The following ST6GALNAC2 variants were observed in gnomAD, a reference collection of about 807,000 sequenced individuals.
The protein encoded by ST6GALNAC2 is ST6 N-acetylgalactosaminide alpha-2,6-sialyltransferase 2, also known as alpha-N-acetylgalactosaminide alpha-2,6-sialyltransferase 2.
ST6GALNAC2 carries 42 observed loss-of-function variants against 38.7 expected under a neutral mutation model. The observed-to-expected ratio is 1.09, with a 90% CI of 0.85 to 1.40. The LOEUF (loss-of-function observed/expected upper bound fraction) is 1.40. ST6GALNAC2 is among the 40% of genes most tolerant of loss of function. ST6GALNAC2 has a pLI of 0.00. For synonymous variants in ST6GALNAC2, 233 were observed against 209.0 expected (o/e 1.11, Z -0.99); for missense variants, 506 against 481.7 (o/e 1.05, Z -0.47).
At position 76,566,211 on chromosome 17, in the gene ST6GALNAC2, G is replaced by C; in HGVS notation, c.1018C>G (p.Arg340Gly). Residue 340 changes from arginine to glycine, a missense_variant, in exon 9 of 9, where the codon CGA (arginine) becomes GGA (glycine). Coordinates refer to ENST00000225276, the MANE Select transcript of ST6GALNAC2 (RefSeq NM_006456.3). The stretch of plus-strand genomic sequence containing the variant: ...TAAAATATCAATGGCTTCATTTTTC[G>C]TTCGAAATAGTGGTCGGAAAATTTC... ...YWKFSDHYFE[R>G]KMKPLIFYAN... The C allele has an allele frequency of 6.2e-7, 1 of 1,614,116 alleles. No homozygotes were observed. The highest frequency in any genetic ancestry group is 1.1e-5 in the South Asian group (1 of 91,084).
chr17:76,578,270 C>T (rs2075439787), intron 2 of ST6GALNAC2, among the ~76,000 whole-genome samples: 2 of 152,096 alleles, frequency 1.3e-5, no homozygotes, highest in Admixed American at 6.6e-5. Flanking sequence ...AGGGTTGCTG[C>T]GAGGCTTCCG....
chr17:76,566,815 CAG>C (rs1276109429), intron 8 of ST6GALNAC2, among the ~76,000 whole-genome samples: 1 of 151,908 alleles, frequency 6.6e-6, no homozygotes, highest in Non-Finnish European at 1.5e-5. Flanking sequence ...GCCTGGGTGA[CAG>C]AGTTGAGACC....
chr17:76,585,477 G>T (rs1487985006), intron 1 of ST6GALNAC2, among the ~76,000 whole-genome samples: 1 of 152,212 alleles, frequency 6.6e-6, no homozygotes, highest in East Asian at 1.9e-4. Flanking sequence ...GGCAAAGGCC[G>T]CGGGGTCCGG....
At chr17:76,570,723 C>T in intron 5 of ST6GALNAC2, 55 bp from the exon 6 acceptor site, 3 of 1,373,246 alleles carry the variant, frequency 2.2e-6, no homozygotes, top group East Asian at 4.7e-5. Context: ...TTTAGCTCCT[C>T]AGTGTGGACA....
In ST6GALNAC2 at chr17:76,566,175, C is replaced by T. The variant is rs375190261; in HGVS notation, c.1054G>A (p.Asp352Asn). ...MKPLIFYANHDLSLEAALWRD... is the reference protein window; with the variant it reads ...MKPLIFYANHNLSLEAALWRD... ...CACAGGGCAGCTTCCAGGGACAGAT[C>T]GTGGTTTGCATAAAATATCAATGGC... The change falls in exon 9 of 9, where the codon GAT becomes AAT. Residue 352 changes from aspartate to asparagine, a missense_variant. Transcript: ENST00000225276. 49 of 1,613,956 alleles carry T rather than the reference C, an allele frequency of 3.0e-5. No homozygotes were observed. Among genetic ancestry groups the T allele is most frequent in the Middle Eastern group, 1.6e-4 (1 of 6,082 alleles).
intron 2 of ST6GALNAC2, among the ~76,000 whole-genome samples, 160 bp from the exon 3 acceptor site, chr17:76,574,699 C>G (rs1475820861): frequency 6.6e-6 from 1 of 150,962 alleles, no homozygotes; most frequent in Non-Finnish European, 1.5e-5. Context: ...TTTTTTGAGA[C>G]AGAGTCTCGC....
In ST6GALNAC2 at chr17:76,578,683, G is replaced by A. The variant is rs773271569; in HGVS notation, c.186+73C>T. 2.0e-5 allele frequency: 28 copies of A among 1,409,872 alleles called. No homozygotes were observed. The East Asian group carries it at 3.0e-4, about 15-fold the overall frequency. The allele number at this position is 1,409,872 out of a possible 1,614,324, so 87.3% of individuals were successfully genotyped here. A position where few individuals can be genotyped will look rare whatever the true frequency, so the allele number is the denominator to read the frequency against. ...CCAGCAATCTCATGAGAGTGTTCTC[G>A]TTTGCTCTTCTTCCCTCCTCCCCAC... On this transcript the variant is annotated intron_variant, in intron 2 of 8. Transcript: ENST00000225276.
chr17:76,571,886 G>A (rs1249024729), intron 5 of ST6GALNAC2, among the ~76,000 whole-genome samples: 1 of 152,206 alleles, frequency 6.6e-6, no homozygotes, highest in Non-Finnish European at 1.5e-5. Flanking sequence ...GGTAGGGCCA[G>A]ATGCTAGCTC....
At position 76,585,701 on chromosome 17, in the gene ST6GALNAC2, C is replaced by A. The variant is rs372160548; in HGVS notation, c.108G>T (p.Gly36=). The A allele has an allele frequency of 6.5e-7, 1 of 1,528,776 alleles. No individual in the cohort carries two copies. Among genetic ancestry groups the A allele is most frequent in the Non-Finnish European group, 8.8e-7 (1 of 1,141,684 alleles). 94.7% of individuals were successfully genotyped at this position (1,528,776 alleles called of 1,614,324 possible). A position where few individuals can be genotyped will look rare whatever the true frequency, so the allele number is the denominator to read the frequency against. The change falls in exon 1 of 9, where the codon GGG becomes GGT. Residue 36 remains glycine, a synonymous_variant. Transcript: ENST00000225276. ...LYFSAVQRYP[G]PAAGARDTTS... ...GCCCCTACCTGGCTCCGGCCGCTGG[C>A]CCCGGGTACCGCTGCACCGCCGAGA...
At chr17:76,571,576 A>G (rs1456389375) in intron 5 of ST6GALNAC2, among the ~76,000 whole-genome samples, 1 of 152,246 alleles carries the variant, frequency 6.6e-6, no homozygotes, top group African/African-American at 2.4e-5. Context: ...CCTGGGTGAC[A>G]GAGTGAGACT....
intron 5 of ST6GALNAC2, 196 bp from the exon 6 acceptor site, chr17:76,570,864 C>T (rs1378171451): frequency 1.8e-6 from 1 of 564,560 alleles, no homozygotes; most frequent in Admixed American, 2.9e-5. Context: ...CAGGAGGTGG[C>T]ACCCAATTGC....
intron 7 of ST6GALNAC2, 99 bp downstream of exon 7, chr17:76,568,614 C>A: frequency 8.8e-7 from 1 of 1,129,978 alleles, no homozygotes; most frequent in East Asian, 2.4e-5. Context: ...GGTTATCGGT[C>A]AGTGCGTGGG....
At chr17:76,566,661 G>A (rs898066422) in intron 8 of ST6GALNAC2, among the ~76,000 whole-genome samples, 1 of 150,400 alleles carries the variant, frequency 6.6e-6, no homozygotes, top group Non-Finnish European at 1.5e-5. Flanking sequence ...TTTGAGACCA[G>A]CCTGGGCAAC....
chr17:76,569,477 G>A, intron 6 of ST6GALNAC2: 1 of 362,940 alleles, frequency 2.8e-6, no homozygotes, highest in Non-Finnish European at 4.8e-6. Context: ...CGGGAAGAGG[G>A]CTGTGAGGCA....
chr17:76,584,356 C>A (rs563514342), intron 1 of ST6GALNAC2, among the ~76,000 whole-genome samples: 47 of 152,062 alleles, frequency 3.1e-4, no homozygotes, highest in African/African-American at 1.0e-3. Flanking sequence ...CCACCATCCC[C>A]GGATAAGTTT....
intron 2 of ST6GALNAC2, among the ~76,000 whole-genome samples, chr17:76,577,681 T>C (rs1005187190): frequency 2.0e-5 from 3 of 150,214 alleles, no homozygotes; most frequent in African/African-American, 7.4e-5. Context: ...GTTCAAGCAA[T>C]TCTGCCTCAG....
At chr17:76,575,761 G>C (rs969383546) in intron 2 of ST6GALNAC2, among the ~76,000 whole-genome samples, 1 of 152,214 alleles carries the variant, frequency 6.6e-6, no homozygotes, top group African/African-American at 2.4e-5. Context: ...GTCTGCCCGT[G>C]ACCCCACAAG....
chr17:76,585,319 C>T (rs755216029), intron 1 of ST6GALNAC2, among the ~76,000 whole-genome samples: 3 of 152,144 alleles, frequency 2.0e-5, no homozygotes, highest in African/African-American at 7.2e-5. Flanking sequence ...GGAGAGTTCC[C>T]GACAAAAAAG....
At chr17:76,569,890 C>T (rs915872175) in intron 6 of ST6GALNAC2, 3 of 281,442 alleles carry the variant, frequency 1.1e-5, no homozygotes, top group African/African-American at 2.2e-5. Flanking sequence ...GGCTGGTTGT[C>T]TGGGCCACAG....
Sources: gnomAD v4.1 joint callset for allele counts (sites outside exome capture counted in the v4.1 genomes callset) on GRCh38, gnomAD v4.1.1 for gene constraint, MANE v1.5 for transcripts, NCBI Gene and HGNC (gene_info 2026-07-23, HGNC 2026-07-21) for gene names.